The following ZFPM2 variants were observed in gnomAD, a reference collection of about 807,000 sequenced individuals.
ZFPM2 encodes zinc finger protein, FOG family member 2.
A neutral mutation model predicts 98.6 loss-of-function variants in ZFPM2; 20 were observed. That is an observed-to-expected ratio of 0.20 (90% CI 0.14 to 0.29). The LOEUF (loss-of-function observed/expected upper bound fraction) is 0.29. Ranked by LOEUF, ZFPM2 falls within the 10% of genes least tolerant of loss-of-function variation. The pLI is 1.00. For missense variants in ZFPM2, 1,310 were observed against 1,388.6 expected (o/e 0.94, Z 0.90); for synonymous variants, 518 against 502.7 (o/e 1.03, Z -0.41).
intron 1 of ZFPM2, among the ~76,000 whole-genome samples, chr8:105,389,673 TAG>T (rs573970311): frequency 2.8e-4 from 43 of 152,346 alleles, no homozygotes; most frequent in South Asian, 1.9e-3. Flanking sequence ...GACTAATTTG[TAG>T]AGTCTGTGGT....
chr8:105,409,684 C>T (rs1811538012), intron 1 of ZFPM2, among the ~76,000 whole-genome samples: 1 of 151,830 alleles, frequency 6.6e-6, no homozygotes, highest in African/African-American at 2.4e-5. Flanking sequence ...TACAAAGTGA[C>T]TTTGGGATAG....
At chr8:105,646,418 G>A (rs1476336033) in intron 5 of ZFPM2, among the ~76,000 whole-genome samples, 1 of 152,112 alleles carries the variant, frequency 6.6e-6, no homozygotes, top group Non-Finnish European at 1.5e-5. Flanking sequence ...GACAATTAGC[G>A]ATGAGGGGTA....
At chr8:105,439,245 G>T (rs1216605709) in intron 2 of ZFPM2, among the ~76,000 whole-genome samples, 2 of 152,002 alleles carry the variant, frequency 1.3e-5, no homozygotes, top group Non-Finnish European at 2.9e-5. Context: ...TGTTATCTGG[G>T]CACCTGGCTA....
chr8:105,774,700 G>C (rs546170630), intron 5 of ZFPM2, among the ~76,000 whole-genome samples: 1 of 152,196 alleles, frequency 6.6e-6, no homozygotes, highest in Non-Finnish European at 1.5e-5. Flanking sequence ...GGCATAAAAT[G>C]ATGTTGGTTG....
intron 5 of ZFPM2, among the ~76,000 whole-genome samples, chr8:105,697,211 A>T (rs1811037494): frequency 6.6e-6 from 1 of 152,226 alleles, no homozygotes; most frequent in South Asian, 2.1e-4. Flanking sequence ...TGAAATACAC[A>T]GTCCATAATG....
intron 2 of ZFPM2, among the ~76,000 whole-genome samples, chr8:105,426,780 TAAAAATACA>T (rs60010064): frequency 0.34 from 50,817 of 149,638 alleles, 10,956 homozygotes; most frequent in African/African-American, 0.62. Flanking sequence ...ATCCCATCTC[TAAAAATACA>T]AAAAATACAA....
intron 3 of ZFPM2, among the ~76,000 whole-genome samples, chr8:105,483,361 G>A (rs868464427): frequency 2.6e-5 from 4 of 151,834 alleles, no homozygotes; most frequent in African/African-American, 7.3e-5. Flanking sequence ...AAGCTGAGGC[G>A]AGTGGATTGC....
At chr8:105,528,587 T>C (rs1586438003) in intron 3 of ZFPM2, among the ~76,000 whole-genome samples, 1 of 152,168 alleles carries the variant, frequency 6.6e-6, no homozygotes, top group Non-Finnish European at 1.5e-5. Flanking sequence ...AGGAGATTGA[T>C]AAGTATGGGG....
At chr8:105,444,251 C>G (rs376087520) in intron 2 of ZFPM2, 29 bp from the exon 3 acceptor site, 1 of 1,562,804 alleles carries the variant, frequency 6.4e-7, no homozygotes, top group Non-Finnish European at 8.8e-7. Flanking sequence ...TGCTCATTTT[C>G]TTTCTCTCCT....
At chr8:105,349,192 G>T (rs1450750181) in intron 1 of ZFPM2, among the ~76,000 whole-genome samples, 3 of 152,108 alleles carry the variant, frequency 2.0e-5, no homozygotes, top group Non-Finnish European at 4.4e-5. Flanking sequence ...ATTCTGAAAT[G>T]AGAATAAATC....
At chr8:105,531,586 T>A (rs563977537) in intron 3 of ZFPM2, among the ~76,000 whole-genome samples, 1 of 152,310 alleles carries the variant, frequency 6.6e-6, no homozygotes, top group South Asian at 2.1e-4. Context: ...TAGTGTGACA[T>A]CCTGAGGTAT....
At chr8:105,492,752 T>G (rs1813382350) in intron 3 of ZFPM2, among the ~76,000 whole-genome samples, 1 of 152,194 alleles carries the variant, frequency 6.6e-6, no homozygotes, top group South Asian at 2.1e-4. Flanking sequence ...ACAATACTGA[T>G]TAGTAATGAT....
At chr8:105,796,881 A>G (rs962423982) in intron 6 of ZFPM2, 10 of 152,176 alleles carry the variant, frequency 6.6e-5, no homozygotes, top group African/African-American at 1.9e-4. Flanking sequence ...TTCCTCTACG[A>G]AAGTCCTGAG....
chr8:105,337,714 T>A (rs1485268979), intron 1 of ZFPM2, among the ~76,000 whole-genome samples: 1 of 151,104 alleles, frequency 6.6e-6, no homozygotes, highest in Admixed American at 6.6e-5. Flanking sequence ...AAAATTCTTT[T>A]TGGTCATAGT....
chr8:105,756,694 G>C (rs1177819434), intron 5 of ZFPM2, among the ~76,000 whole-genome samples: 1 of 152,132 alleles, frequency 6.6e-6, no homozygotes, highest in Non-Finnish European at 1.5e-5. Flanking sequence ...AGACGGGAGA[G>C]GGGGAAAATG....
intron 3 of ZFPM2, among the ~76,000 whole-genome samples, chr8:105,517,707 C>CACACCACACACA (rs61552974): frequency 3.2e-5 from 4 of 124,890 alleles, no homozygotes; most frequent in African/African-American, 1.3e-4. Context: ...CACACACACA[C>CACACCACACACA]CACACACACA....
chr8:105,399,473 C>T (rs954675978), intron 1 of ZFPM2, among the ~76,000 whole-genome samples: 4 of 152,108 alleles, frequency 2.6e-5, no homozygotes, highest in Non-Finnish European at 5.9e-5. Context: ...AATTACGACT[C>T]CTCACTTTGG....
intron 5 of ZFPM2, among the ~76,000 whole-genome samples, chr8:105,687,020 G>A (rs1258196200): frequency 6.6e-6 from 1 of 152,152 alleles, no homozygotes; most frequent in Non-Finnish European, 1.5e-5. Flanking sequence ...GTTAAATGTG[G>A]TGTGTGAATG....
chr8:105,484,606 T>A (rs182178217), intron 3 of ZFPM2, among the ~76,000 whole-genome samples: 1 of 152,208 alleles, frequency 6.6e-6, no homozygotes, highest in Non-Finnish European at 1.5e-5. Flanking sequence ...GTTTAATTAA[T>A]GAGTACACGT....
Sources: allele counts gnomAD v4.1 joint callset (sites outside exome capture counted in the v4.1 genomes callset), GRCh38; gene constraint gnomAD v4.1.1; transcripts MANE v1.5; gene names NCBI Gene and HGNC (gene_info 2026-07-23, HGNC 2026-07-21).